The following PRDM16 variants were observed in gnomAD, a reference collection of about 807,000 sequenced individuals.
PRDM16 encodes the protein PR/SET domain 16, also known as histone-lysine N-methyltransferase PRDM16.
In PRDM16, 23 loss-of-function variants were observed where a neutral mutation model predicts 110.6. The observed-to-expected ratio is 0.21, with a 90% CI of 0.15 to 0.29. The LOEUF (loss-of-function observed/expected upper bound fraction) is 0.29, where lower values mean the gene tolerates loss of function less well. Among genes scored for constraint, PRDM16 ranks in the 10% least tolerant of loss-of-function variants. PRDM16 has a pLI of 1.00. For synonymous variants in PRDM16, 799 were observed against 781.8 expected (o/e 1.02, Z -0.37); for missense variants, 1,615 against 1,794.3 (o/e 0.90, Z 1.81).
intron 2 of PRDM16, among the ~76,000 whole-genome samples, chr1:3,188,742 C>CG (rs1221939340): frequency 3.3e-5 from 5 of 152,270 alleles, no homozygotes; most frequent in East Asian, 3.9e-4. Context: ...TCAGATGGGA[C>CG]GGGGGGCAGC....
At chr1:3,222,853 G>A (rs1639197329) in intron 2 of PRDM16, among the ~76,000 whole-genome samples, 1 of 152,218 alleles carries the variant, frequency 6.6e-6, no homozygotes, top group South Asian at 2.1e-4. Flanking sequence ...CTGATGTGAG[G>A]GCACTTTGCA....
intron 1 of PRDM16, among the ~76,000 whole-genome samples, chr1:3,105,922 C>T (rs540644851): frequency 3.9e-4 from 58 of 148,970 alleles, no homozygotes; most frequent in Non-Finnish European, 6.8e-4. Flanking sequence ...CCCTCTGCCA[C>T]GGCCATCCTT....
chr1:3,278,901 C>T (rs1041446487), intron 3 of PRDM16, among the ~76,000 whole-genome samples: 5 of 152,222 alleles, frequency 3.3e-5, no homozygotes, highest in Non-Finnish European at 5.9e-5. Flanking sequence ...CTCAGCGAGC[C>T]GTGGCCTCTC....
chr1:3,325,714 G>C (rs114515947), intron 3 of PRDM16, among the ~76,000 whole-genome samples: 2,818 of 152,302 alleles, frequency 0.019, 44 homozygotes, highest in Middle Eastern at 0.041. Context: ...GCCTCTCCAG[G>C]TCTGGTGTTG....
At chr1:3,184,089 G>T (rs188019483) in intron 1 of PRDM16, among the ~76,000 whole-genome samples, 255 of 152,294 alleles carry the variant, frequency 1.7e-3, no homozygotes, top group South Asian at 4.4e-3. Flanking sequence ...AGGTCTTTAG[G>T]GGGGAGGAAC....
intron 1 of PRDM16, among the ~76,000 whole-genome samples, chr1:3,113,098 T>C (rs1423223413): frequency 6.6e-6 from 1 of 152,236 alleles, no homozygotes; most frequent in African/African-American, 2.4e-5. Context: ...GGGGGGCCTC[T>C]TGTGGAGGGG....
intron 4 of PRDM16, among the ~76,000 whole-genome samples, chr1:3,387,339 TTCTC>T (rs1264203316): frequency 1.3e-5 from 2 of 152,188 alleles, no homozygotes; most frequent in Non-Finnish European, 2.9e-5. Context: ...AAGGGATTCG[TTCTC>T]TCTGTTTTAG....
Position 3,210,128 on chromosome 1 carries a change from G to A in PRDM16, c.387+23654G>A, listed in dbSNP as rs1377542415. ...ATAAATATTGGATAATTGCAGCAGC[G>A]GAAACCAGCTCGCTATGTGCCGATG... On this transcript the variant is annotated intron_variant, in intron 2 of 16. Transcript: ENST00000270722. Among the ~76,000 whole-genome samples the A allele has an allele frequency of 8.5e-5, 13 of 152,308 alleles. 1 individual carries two copies. The highest frequency in any genetic ancestry group is 6.8e-3 in the Middle Eastern group (2 of 294).
chr1:3,132,737 G>A (rs1240405915), intron 1 of PRDM16, among the ~76,000 whole-genome samples: 1 of 152,150 alleles, frequency 6.6e-6, no homozygotes, highest in East Asian at 1.9e-4. Flanking sequence ...AAATTATGTT[G>A]GAAGTAAAGT....
chr1:3,409,491 G>A (rs1643632068), intron 8 of PRDM16, among the ~76,000 whole-genome samples: 1 of 152,174 alleles, frequency 6.6e-6, no homozygotes, highest in African/African-American at 2.4e-5. Flanking sequence ...CGTGATGAAA[G>A]AACACGATCA....
intron 1 of PRDM16, among the ~76,000 whole-genome samples, chr1:3,145,694 C>G (rs184719452): frequency 1.8e-3 from 276 of 152,348 alleles, no homozygotes; most frequent in Non-Finnish European, 2.4e-3. Context: ...CACCCGCTCC[C>G]GGTCTCTCAC....
rs1275917893 is a variant in PRDM16, at chr1:3,434,555, G to C, written c.*744G>C. ...CGGGGCCACACCCGTGAACCATGCA[G>C]ACGGCCGAAGAAGTCTTAGGCAGGG... On this transcript the variant is annotated 3_prime_UTR_variant, in exon 17 of 17. Transcript: ENST00000270722. 1 of 231,742 alleles carries C rather than the reference G, an allele frequency of 4.3e-6. No homozygotes were observed. The highest frequency in any genetic ancestry group is 5.6e-5 in the Admixed American group (1 of 17,744). The allele number at this position is 231,742 out of a possible 1,614,324, so 14.4% of individuals were successfully genotyped here.
chr1:3,349,628 A>AGCCCGGCAGAGCTCAGGGCC (rs1553166718), intron 3 of PRDM16, among the ~76,000 whole-genome samples: 6 of 152,308 alleles, frequency 3.9e-5, no homozygotes, highest in African/African-American at 1.2e-4. Context: ...GAGCCGAGGC[A>AGCCCGGCAGAGCTCAGGGCC]GCCCGGCAGA....
chr1:3,197,272 A>G (rs1316568189), intron 2 of PRDM16, among the ~76,000 whole-genome samples: 1 of 152,164 alleles, frequency 6.6e-6, no homozygotes, highest in African/African-American at 2.4e-5. Flanking sequence ...CCCGACCCCC[A>G]GGCGGGCCCT....
At chr1:3,396,719 G>GC (rs928195042) in intron 5 of PRDM16, 126 bp downstream of exon 5, 28 of 593,776 alleles carry the variant, frequency 4.7e-5, no homozygotes, top group Admixed American at 9.2e-5. Flanking sequence ...GGGCCAGGCG[G>GC]CCCCCAAGTG....
rs1642890264 is a variant in PRDM16 at position 3,370,708 on chromosome 1, G to A, written c.439-14444G>A. ...TGCTCTGCCACCATGACAACTCCTG[G>A]AATGGTGTTCCCTTGTGTCTCACCA... is the stretch of plus-strand genomic sequence containing the variant. On this transcript the variant is annotated intron_variant, in intron 3 of 16. Transcript: ENST00000270722. This position sits in a 1 kb window ranked among gnomAD's most constrained non-coding sequence, Gnocchi z 4.8. Among the ~76,000 whole-genome samples the A allele has an allele frequency of 6.6e-6, 1 of 152,176 alleles. No individual in the cohort carries two copies. The highest frequency in any genetic ancestry group is 2.4e-5 in the African/African-American group (1 of 41,430).
intron 3 of PRDM16, among the ~76,000 whole-genome samples, chr1:3,284,398 G>A (rs1044461160): frequency 2.0e-5 from 3 of 152,286 alleles, no homozygotes; most frequent in Admixed American, 1.3e-4. Flanking sequence ...CCAGGTGGGC[G>A]TTCTCCTATT....
chr1:3,082,364 G>A lies in PRDM16; in HGVS notation c.37+13068G>A, dbSNP rs192402199. On this transcript the variant is annotated intron_variant, in intron 1 of 16. Coordinates refer to ENST00000270722, the MANE Select transcript of PRDM16 (RefSeq NM_022114.4). ...GCCTGGCCAATGTCAGAGGGGTAACGGCCCATCTGCAACTGGACTCAGCTG... is the reference window on the plus strand; with the variant it reads ...GCCTGGCCAATGTCAGAGGGGTAACAGCCCATCTGCAACTGGACTCAGCTG... Among the ~76,000 whole-genome samples the A allele has an allele frequency of 3.9e-5, 6 of 152,328 alleles. No individual in the cohort carries two copies. The East Asian group carries it at 9.7e-4, about 25-fold the overall frequency.
At chr1:3,292,565 G>C (rs571240316) in intron 3 of PRDM16, among the ~76,000 whole-genome samples, 3 of 152,326 alleles carry the variant, frequency 2.0e-5, no homozygotes, top group African/African-American at 7.2e-5. Flanking sequence ...TGACCGCGCT[G>C]TCCGGATGAG....
Sources: allele counts gnomAD v4.1 joint callset (sites outside exome capture counted in the v4.1 genomes callset), GRCh38; gene constraint gnomAD v4.1.1; non-coding constraint Gnocchi (gnomAD v3.1); transcripts MANE v1.5; gene names NCBI Gene and HGNC (gene_info 2026-07-23, HGNC 2026-07-21).